Variants in GRAMD1C observed in about 807,000 individuals in gnomAD.
GRAMD1C encodes the protein GRAM domain containing 1C.
In GRAMD1C, 89 loss-of-function variants were observed where a neutral mutation model predicts 97.8. The ratio of observed to expected loss-of-function variants is 0.91; its 90% CI spans 0.77 to 1.09. GRAMD1C has a LOEUF of 1.09. GRAMD1C is among the 50% of genes least tolerant of loss of function. The pLI, the probability that GRAMD1C is intolerant of heterozygous loss-of-function variation, is 0.00. For synonymous variants in GRAMD1C, 256 were observed against 267.0 expected, an observed-to-expected ratio of 0.96 and a Z score of 0.40; for missense variants, 740 against 766.4, an observed-to-expected ratio of 0.97 and a Z score of 0.41.
chr3:113,857,946 T>C (rs1230047658), intron 2 of GRAMD1C, among the ~76,000 whole-genome samples: 1 of 152,188 alleles, frequency 6.6e-6, no homozygotes, highest in Non-Finnish European at 1.5e-5. Flanking sequence ...TGAGGGATAT[T>C]GTTCTGTAAT....
intron 1 of GRAMD1C, among the ~76,000 whole-genome samples, chr3:113,833,197 G>A (rs997794882): frequency 1.4e-5 from 2 of 147,016 alleles, no homozygotes; most frequent in Non-Finnish European, 3.0e-5. Flanking sequence ...GAGTGCAATA[G>A]TGCTGTCTTG....
chr3:113,925,191 A>G (rs1327693226), intron 10 of GRAMD1C, among the ~76,000 whole-genome samples: 1 of 152,076 alleles, frequency 6.6e-6, no homozygotes, highest in Non-Finnish European at 1.5e-5. Context: ...TGGGTCTCCT[A>G]AAGACAGCAT....
chr3:113,864,668 G>C (rs986004494), intron 2 of GRAMD1C, among the ~76,000 whole-genome samples: 11 of 152,118 alleles, frequency 7.2e-5, no homozygotes, highest in Non-Finnish European at 1.5e-4. Context: ...TTCCATCAGA[G>C]ACCTCTTCAG....
intron 6 of GRAMD1C, among the ~76,000 whole-genome samples, chr3:113,887,736 T>C (rs1207414878): frequency 2.1e-5 from 3 of 144,244 alleles, no homozygotes; most frequent in African/African-American, 5.1e-5. Context: ...AAAGGAAAAT[T>C]GACAAACCTT....
chr3:113,850,172 G>T, intron 2 of GRAMD1C: 1 of 441,480 alleles, frequency 2.3e-6, no homozygotes, highest in South Asian at 1.7e-5. Context: ...TTTGTCAATT[G>T]TATATACTTA....
At chr3:113,887,482 C>T (rs899266739) in intron 6 of GRAMD1C, among the ~76,000 whole-genome samples, 12 of 151,854 alleles carry the variant, frequency 7.9e-5, no homozygotes, top group Middle Eastern at 3.4e-3. Flanking sequence ...GGGTGGGTCA[C>T]GAGGTCAGGA....
chr3:113,887,079 CTTTTTGTTTTT>C (rs1211044315), intron 6 of GRAMD1C, among the ~76,000 whole-genome samples: 3 of 97,506 alleles, frequency 3.1e-5, no homozygotes, highest in Admixed American at 1.1e-4. Context: ...TGCGCCTGGC[CTTTTTGTTTTT>C]TTTTTGTTTT....
upstream of GRAMD1C, among the ~76,000 whole-genome samples, chr3:113,835,375 C>A (rs905590462): frequency 2.0e-5 from 3 of 152,198 alleles, no homozygotes; most frequent in Admixed American, 2.0e-4. Flanking sequence ...TATATCAATG[C>A]TCTTCAGCCA....
intron 1 of GRAMD1C, among the ~76,000 whole-genome samples, chr3:113,832,039 G>GTGTTTTTTTTTTTTTTTTTTTT (rs1553713219): frequency 2.7e-5 from 4 of 149,420 alleles, no homozygotes; most frequent in African/African-American, 1.0e-4. Flanking sequence ...CAGCAACTTT[G>GTGTTTTTTTTTTTTTTTTTTTT]TTTTTTTTGA....
intron 1 of GRAMD1C, among the ~76,000 whole-genome samples, chr3:113,833,671 T>C (rs1709592868): frequency 6.6e-6 from 1 of 152,146 alleles, no homozygotes; most frequent in African/African-American, 2.4e-5. Flanking sequence ...ATGTGGGCTA[T>C]TGTAGAGTAG....
At chr3:113,871,069 T>G (rs1559786952) in intron 3 of GRAMD1C, among the ~76,000 whole-genome samples, 1 of 151,380 alleles carries the variant, frequency 6.6e-6, no homozygotes, top group Non-Finnish European at 1.5e-5. Flanking sequence ...ATAAATGATT[T>G]CTCACAATGA....
At chr3:113,871,018 C>T (rs1399708532) in intron 3 of GRAMD1C, among the ~76,000 whole-genome samples, 1 of 67,888 alleles carries the variant, frequency 1.5e-5, no homozygotes, top group East Asian at 4.4e-4. Context: ...CACACACACA[C>T]ACACAGAGGA....
At chr3:113,902,244 A>G (rs1936203845) in intron 7 of GRAMD1C, among the ~76,000 whole-genome samples, 1 of 152,250 alleles carries the variant, frequency 6.6e-6, no homozygotes, top group Admixed American at 6.5e-5. Context: ...TCCAATTTAT[A>G]TCTTTTCAGC....
chr3:113,898,804 T>C (rs1936034985), intron 6 of GRAMD1C, among the ~76,000 whole-genome samples: 1 of 152,186 alleles, frequency 6.6e-6, no homozygotes, highest in South Asian at 2.1e-4. Context: ...GATAATTGGA[T>C]ATTTTTGACT....
chr3:113,922,033 C>T (rs1937077353), intron 10 of GRAMD1C, among the ~76,000 whole-genome samples: 1 of 151,714 alleles, frequency 6.6e-6, no homozygotes, highest in African/African-American at 2.4e-5. Flanking sequence ...GAAATCTTTG[C>T]TAGGGCCTGT....
intron 13 of GRAMD1C, 61 bp downstream of exon 13, chr3:113,934,596 T>A (rs892679492): frequency 1.3e-6 from 1 of 751,498 alleles, no homozygotes; most frequent in African/African-American, 1.8e-5. Flanking sequence ...CAAAATGGAT[T>A]GATTCTTCAT....
At chr3:113,844,818 A>C (rs1933539604) in intron 2 of GRAMD1C, 169 bp downstream of exon 2, 1 of 532,212 alleles carries the variant, frequency 1.9e-6, no homozygotes, top group Non-Finnish European at 3.3e-6. Flanking sequence ...TCCTTTGACC[A>C]CTAGAATGCA....
Position 113,915,743 on chromosome 3 carries a change from A to G in GRAMD1C, c.995A>G (p.Asn332Ser), listed in dbSNP as rs199813500. 74 of 1,610,346 alleles carry G rather than the reference A, an allele frequency of 4.6e-5. No individual in the cohort carries two copies. Among genetic ancestry groups the G allele is most frequent in the Non-Finnish European group, 5.9e-5 (69 of 1,177,030 alleles). ...GATCTTCATGGAAGACTTTTTATCA[A>G]CCGTATTTTTCATATCAGTGCTGAC... is the stretch of plus-strand genomic sequence containing the variant. ...EKDLHGRLFI[N>S]RIFHISADRM... Residue 332 changes from asparagine (N) to serine (S), a missense_variant, in exon 10 of 18, where the codon AAC becomes AGC. Asn to Ser is a conservative substitution (Grantham distance 46). Coordinates refer to ENST00000358160, the MANE Select transcript of GRAMD1C (RefSeq NM_017577.5).
intron 17 of GRAMD1C, among the ~76,000 whole-genome samples, chr3:113,941,577 G>A (rs1289311984): frequency 4.6e-5 from 7 of 150,780 alleles, no homozygotes; most frequent in Admixed American, 2.0e-4. Flanking sequence ...GTTTCAAAGA[G>A]CTATCATTTT....
Sources: allele counts gnomAD v4.1 joint callset (sites outside exome capture counted in the v4.1 genomes callset), GRCh38; gene constraint gnomAD v4.1.1; transcripts MANE v1.5; gene names NCBI Gene and HGNC (gene_info 2026-07-23, HGNC 2026-07-21).